The following NRG3 variants were observed in gnomAD, a reference collection of about 807,000 sequenced individuals.
NRG3 encodes pro-neuregulin-3, membrane-bound isoform.
Under a neutral mutation model 66.9 loss-of-function variants are expected in NRG3, and 31 were observed. The ratio of observed to expected loss-of-function variants is 0.46; its 90% CI spans 0.35 to 0.63. NRG3 has a LOEUF of 0.63. Ranked by LOEUF, NRG3 falls within the 20% of genes least tolerant of loss-of-function variation. NRG3 has a pLI of 0.00. For synonymous variants in NRG3, 393 were observed against 359.4 expected, an observed-to-expected ratio of 1.09 and a Z score of -1.06; for missense variants, 910 against 878.9, an observed-to-expected ratio of 1.04 and a Z score of -0.45.
intron 1 of NRG3, among the ~76,000 whole-genome samples, chr10:82,182,936 TC>T (rs1176237393): frequency 6.6e-6 from 1 of 152,006 alleles, no homozygotes; most frequent in Non-Finnish European, 1.5e-5. Flanking sequence ...TATGAATATA[TC>T]ATCCAACTTC....
chr10:82,010,462 G>A (rs576672892), intron 1 of NRG3, among the ~76,000 whole-genome samples: 1 of 152,322 alleles, frequency 6.6e-6, no homozygotes, highest in Admixed American at 6.5e-5. Context: ...TGTAGAAGGT[G>A]TAGTGTCTAT....
At chr10:82,085,576 A>G (rs2065669820) in intron 1 of NRG3, among the ~76,000 whole-genome samples, 1 of 152,106 alleles carries the variant, frequency 6.6e-6, no homozygotes, top group African/African-American at 2.4e-5. Flanking sequence ...CACTTTTATT[A>G]GGAACCCCCT....
At chr10:82,484,373 G>A (rs1842517528) in intron 2 of NRG3, among the ~76,000 whole-genome samples, 1 of 152,160 alleles carries the variant, frequency 6.6e-6, no homozygotes, top group Non-Finnish European at 1.5e-5. Context: ...TGTAAAATAG[G>A]AGATTATAAT....
rs149146125 is a variant in NRG3 at position 82,116,510 on chromosome 10, G to C, written c.823+240347G>C. 7.2e-3 allele frequency among the ~76,000 whole-genome samples: 1,095 copies of C among 152,162 alleles called. 15 individuals carry two copies. The highest frequency in any genetic ancestry group is 0.025 in the African/African-American group (1,057 of 41,536). On this transcript the variant is annotated intron_variant, in intron 1 of 8. Transcript: ENST00000372141. ...TACTTAGGGTGAGGGTTATTTCAGT[G>C]ACATTTACTTTGTTTTTGGGCATAA...
chr10:81,995,295 A>C (rs1357487612), intron 1 of NRG3, among the ~76,000 whole-genome samples: 1 of 152,196 alleles, frequency 6.6e-6, no homozygotes, highest in Non-Finnish European at 1.5e-5. Flanking sequence ...GTAACACCAA[A>C]ATGTTTTTCC....
chr10:81,886,715 T>A (rs1363436085), intron 1 of NRG3, among the ~76,000 whole-genome samples: 1 of 152,156 alleles, frequency 6.6e-6, no homozygotes, highest in Admixed American at 6.5e-5. Flanking sequence ...AAATAAATTT[T>A]GTTTACCCAT....
At chr10:82,897,761 C>T (rs1167051877) in intron 4 of NRG3, among the ~76,000 whole-genome samples, 5 of 152,104 alleles carry the variant, frequency 3.3e-5, no homozygotes, top group Admixed American at 3.3e-4. Flanking sequence ...CTCAGGTGAT[C>T]CACCCGCCTC....
At chr10:82,093,166 T>G (rs1455785166) in intron 1 of NRG3, among the ~76,000 whole-genome samples, 1 of 152,202 alleles carries the variant, frequency 6.6e-6, no homozygotes, top group Non-Finnish European at 1.5e-5. Flanking sequence ...TTTACTGTTA[T>G]CATCCTCATT....
chr10:82,902,510 C>T (rs1415288001), intron 4 of NRG3, among the ~76,000 whole-genome samples: 1 of 151,752 alleles, frequency 6.6e-6, no homozygotes, highest in Non-Finnish European at 1.5e-5. Flanking sequence ...AAAGGAAATT[C>T]GGAAGGAAGT....
chr10:82,782,148 G>T (rs2060142602), intron 3 of NRG3, among the ~76,000 whole-genome samples: 1 of 152,080 alleles, frequency 6.6e-6, no homozygotes, highest in Non-Finnish European at 1.5e-5. Flanking sequence ...TTCATGTGTT[G>T]GTAACTTAAT....
Position 82,422,727 on chromosome 10 carries a change from G to C in NRG3, c.953+63859G>C, listed in dbSNP as rs562136544. ...GTGGAAATAGTATACATACAAACTTGTTTTGTTTTGGGAAGAACTAGATGA... is the reference window on the plus strand; with the variant it reads ...GTGGAAATAGTATACATACAAACTTCTTTTGTTTTGGGAAGAACTAGATGA... On this transcript the variant is annotated intron_variant, in intron 2 of 8. Transcript: ENST00000372141. 2.6e-5 allele frequency among the ~76,000 whole-genome samples: 4 copies of C among 151,906 alleles called. No individual in the cohort carries two copies. In the South Asian group the frequency reaches 8.3e-4, roughly 31 times the overall value.
At position 82,447,946 on chromosome 10, in the gene NRG3, A is replaced by G. The variant is rs1017491080; in HGVS notation, c.953+89078A>G. On this transcript the variant is annotated intron_variant, in intron 2 of 8. Transcript: ENST00000372141. ...TCCTTTAGAGACCTCCTTTCACTAG[A>G]TACAGTTCCGTTACGCCTTTTAAAT... Among the ~76,000 whole-genome samples the G allele has an allele frequency of 6.6e-5, 10 of 152,308 alleles. No homozygotes were observed. The South Asian group carries it at 2.1e-3, about 32-fold the overall frequency.
At chr10:82,105,398 G>A (rs149656334) in intron 1 of NRG3, among the ~76,000 whole-genome samples, 183 of 152,258 alleles carry the variant, frequency 1.2e-3, no homozygotes, top group African/African-American at 4.3e-3. Context: ...TCTCTAACTT[G>A]AGTTTGAGTA....
intron 1 of NRG3, among the ~76,000 whole-genome samples, chr10:82,157,270 C>T (rs1450809485): frequency 6.6e-6 from 1 of 151,596 alleles, no homozygotes; most frequent in Non-Finnish European, 1.5e-5. Context: ...CTGTCTTGTG[C>T]TTAAAGAAAG....
chr10:82,430,553 G>A (rs188872177), intron 2 of NRG3, among the ~76,000 whole-genome samples: 3 of 152,200 alleles, frequency 2.0e-5, no homozygotes, highest in South Asian at 2.1e-4. Flanking sequence ...CACCACGCCC[G>A]ACCATTGACT....
chr10:82,439,228 A>G (rs1590134863), intron 2 of NRG3, among the ~76,000 whole-genome samples: 1 of 152,282 alleles, frequency 6.6e-6, no homozygotes, highest in East Asian at 1.9e-4. Context: ...TTGTAAAATC[A>G]AGATTTTGTT....
chr10:82,783,883 A>C (rs2060227135), intron 3 of NRG3, among the ~76,000 whole-genome samples: 1 of 152,178 alleles, frequency 6.6e-6, no homozygotes, highest in Non-Finnish European at 1.5e-5. Flanking sequence ...GAACCAAAAA[A>C]GAGCCCGCAT....
rs964372199 is a variant in NRG3 at position 82,549,386 on chromosome 10, G to A, written c.954-189191G>A. On this transcript the variant is annotated intron_variant, in intron 2 of 8. Transcript: ENST00000372141. ...GTTGAAGTTAGAGCTGATTCTAGCA[G>A]ACAATGGGTGAGACACGAAATGGTT... 7.3e-4 allele frequency among the ~76,000 whole-genome samples: 111 copies of A among 152,144 alleles called. 7 individuals carry two copies. Among genetic ancestry groups the A allele is most frequent in the Non-Finnish European group, 1.5e-5 (1 of 68,028 alleles).
intron 2 of NRG3, among the ~76,000 whole-genome samples, chr10:82,517,011 T>C (rs1845722487): frequency 6.6e-6 from 1 of 152,176 alleles, no homozygotes; most frequent in African/African-American, 2.4e-5. Context: ...TTTAACAAGT[T>C]TTTAATTTTT....
Sources: gnomAD v4.1 joint callset for allele counts (sites outside exome capture counted in the v4.1 genomes callset) on GRCh38, gnomAD v4.1.1 for gene constraint, MANE v1.5 for transcripts, NCBI Gene and HGNC (gene_info 2026-07-23, HGNC 2026-07-21) for gene names.